The following AGBL4 variants were observed in gnomAD, a reference collection of about 807,000 sequenced individuals.
The protein encoded by AGBL4 is cytosolic carboxypeptidase 6.
In AGBL4, 58 loss-of-function variants were observed where a neutral mutation model predicts 66.4. The ratio of observed to expected loss-of-function variants is 0.87; its 90% confidence interval spans 0.71 to 1.09. The LOEUF (loss-of-function observed/expected upper bound fraction) is 1.09. Ranked by LOEUF, AGBL4 falls within the 50% of genes least tolerant of loss-of-function variation. The pLI, the probability that AGBL4 is intolerant of heterozygous loss-of-function variation, is 0.00. For synonymous variants in AGBL4, 234 were observed against 222.9 expected (o/e 1.05, Z -0.44); for missense variants, 579 against 631.0 (o/e 0.92, Z 0.88).
intron 4 of AGBL4, among the ~76,000 whole-genome samples, chr1:49,244,345 C>T (rs552271836): frequency 6.6e-6 from 1 of 151,732 alleles, no homozygotes; most frequent in Admixed American, 6.6e-5. Context: ...TGGGCTGGAA[C>T]CAGAGACTCA....
At chr1:49,921,854 A>G (rs1020322927) in intron 1 of AGBL4, among the ~76,000 whole-genome samples, 4 of 152,132 alleles carry the variant, frequency 2.6e-5, no homozygotes, top group African/African-American at 7.2e-5. Context: ...GCCCACCCAC[A>G]GTGAGGGTGG....
intron 3 of AGBL4, among the ~76,000 whole-genome samples, chr1:49,582,855 T>G (rs1323550135): frequency 6.6e-6 from 1 of 152,160 alleles, no homozygotes; most frequent in East Asian, 1.9e-4. Context: ...AATAACATAA[T>G]TTTTCAGTAA....
At chr1:49,315,585 T>C (rs930203835) in intron 3 of AGBL4, among the ~76,000 whole-genome samples, 14 of 152,286 alleles carry the variant, frequency 9.2e-5, no homozygotes, top group African/African-American at 3.1e-4. Flanking sequence ...GCAAAGTATA[T>C]GAACAGACAT....
At chr1:49,111,091 A>G (rs1443233086) in intron 4 of AGBL4, among the ~76,000 whole-genome samples, 1 of 148,736 alleles carries the variant, frequency 6.7e-6, no homozygotes, top group Non-Finnish European at 1.5e-5. Context: ...CTTCTATTAC[A>G]TGTTTCCTTT....
At position 49,720,592 on chromosome 1, in the gene AGBL4, C is replaced by G. The variant is rs368329561; in HGVS notation, c.158-23155G>C. On this transcript the variant is annotated intron_variant, in intron 2 of 13. Coordinates refer to ENST00000371839, the MANE Select transcript of AGBL4 (RefSeq NM_032785.4). ...TACTGCCTGGGTTCACATCACATCT[C>G]CAACCCTTTTTAGCTGTGTAGTCTT... Among the ~76,000 whole-genome samples, 53 of 152,244 alleles carry G rather than the reference C, an allele frequency of 3.5e-4. 1 individual carries two copies. The South Asian group carries it at 9.5e-3, about 27-fold the overall frequency.
intron 4 of AGBL4, among the ~76,000 whole-genome samples, chr1:49,152,836 A>G (rs866166690): frequency 1.3e-5 from 2 of 152,222 alleles, no homozygotes; most frequent in Non-Finnish European, 2.9e-5. Context: ...GGTTTAAAAA[A>G]TAAATATAAT....
intron 2 of AGBL4, among the ~76,000 whole-genome samples, chr1:49,755,968 C>G (rs1169718610): frequency 2.0e-5 from 3 of 152,058 alleles, no homozygotes; most frequent in Admixed American, 1.3e-4. Context: ...GCTTTGTCTC[C>G]CACAATACAT....
chr1:48,577,678 C>G lies in AGBL4; in HGVS notation c.1267+9326G>C, dbSNP rs1029907567. On this transcript the variant is annotated intron_variant, in intron 11 of 13. Coordinates refer to ENST00000371839, the MANE Select transcript of AGBL4 (RefSeq NM_032785.4). ...CCAAGGCAGGGCTCACAACAGGCAGCAGCTCAGCCGGGCACTGCAGAGAGA... is the reference window on the plus strand; with the variant it reads ...CCAAGGCAGGGCTCACAACAGGCAGGAGCTCAGCCGGGCACTGCAGAGAGA... Among the ~76,000 whole-genome samples, 20 of 147,876 alleles carry G rather than the reference C, an allele frequency of 1.4e-4. No homozygotes were observed. In the South Asian group the frequency reaches 4.3e-3, roughly 31 times the overall value.
intron 3 of AGBL4, among the ~76,000 whole-genome samples, chr1:49,510,228 A>G (rs1180040919): frequency 6.6e-6 from 1 of 151,906 alleles, no homozygotes; most frequent in Non-Finnish European, 1.5e-5. Context: ...ATTTCTCCAC[A>G]TCCTCTCCAG....
At chr1:49,994,568 G>C (rs1257568593) in intron 1 of AGBL4, 1 of 152,352 alleles carries the variant, frequency 6.6e-6, no homozygotes, top group Non-Finnish European at 1.5e-5. Flanking sequence ...GACCCAGTCA[G>C]ACTCTTGTCT....
chr1:48,634,653 T>A, intron 8 of AGBL4, 49 bp from the exon 9 acceptor site: 1 of 1,354,934 alleles, frequency 7.4e-7, no homozygotes, highest in African/African-American at 1.5e-5. Flanking sequence ...TAAGCTGAGC[T>A]TCTCACCTGT....
chr1:49,525,911 C>A (rs548756737), intron 3 of AGBL4, among the ~76,000 whole-genome samples: 1 of 151,662 alleles, frequency 6.6e-6, no homozygotes, highest in East Asian at 1.9e-4. Flanking sequence ...CACGGTGAAA[C>A]CCCGTCTCTA....
intron 3 of AGBL4, among the ~76,000 whole-genome samples, chr1:49,466,349 C>T (rs1646630803): frequency 1.3e-5 from 2 of 151,882 alleles, no homozygotes; most frequent in Admixed American, 1.3e-4. Context: ...TTGACTGAAA[C>T]TCACAAGTCA....
chr1:49,448,643 C>A (rs1646211446), intron 3 of AGBL4, among the ~76,000 whole-genome samples: 1 of 152,052 alleles, frequency 6.6e-6, no homozygotes, highest in Admixed American at 6.6e-5. Flanking sequence ...GAGCAAGGCA[C>A]CAATCCACAA....
intron 4 of AGBL4, among the ~76,000 whole-genome samples, chr1:49,186,370 T>C (rs1159960532): frequency 6.6e-6 from 1 of 152,170 alleles, no homozygotes; most frequent in African/African-American, 2.4e-5. Flanking sequence ...TGGTTAAAAA[T>C]ATGAACTTTT....
intron 11 of AGBL4, among the ~76,000 whole-genome samples, chr1:48,581,009 G>C (rs1041258984): frequency 2.0e-5 from 3 of 152,088 alleles, no homozygotes; most frequent in African/African-American, 7.2e-5. Context: ...CACCACCCCA[G>C]CTGGTTTAGG....
chr1:49,152,504 G>A (rs1286230038), intron 4 of AGBL4, among the ~76,000 whole-genome samples: 1 of 152,174 alleles, frequency 6.6e-6, no homozygotes, highest in Non-Finnish European at 1.5e-5. Flanking sequence ...GAGGAAAGAT[G>A]ACCCTGTGAG....
intron 3 of AGBL4, among the ~76,000 whole-genome samples, chr1:49,604,641 A>C (rs901798076): frequency 1.1e-4 from 16 of 152,052 alleles, no homozygotes; most frequent in Admixed American, 6.6e-4. Flanking sequence ...TTTTTGAATC[A>C]TTTTATGGAT....
chr1:49,135,252 T>G (rs1237927120), intron 4 of AGBL4, among the ~76,000 whole-genome samples: 1 of 152,158 alleles, frequency 6.6e-6, no homozygotes, highest in East Asian at 1.9e-4. Context: ...ATAAAATGTT[T>G]GTGGGTTATT....
Sources: allele counts gnomAD v4.1 joint callset (sites outside exome capture counted in the v4.1 genomes callset), GRCh38; gene constraint gnomAD v4.1.1; transcripts MANE v1.5; gene names NCBI Gene and HGNC (gene_info 2026-07-23, HGNC 2026-07-21).